Variants in PLCB1 observed in about 807,000 individuals in gnomAD.
The protein encoded by PLCB1 is phospholipase C beta 1.
A neutral mutation model predicts 161.8 loss-of-function variants in PLCB1; 46 were observed. The observed-to-expected ratio is 0.28, with a 90% CI of 0.22 to 0.36. PLCB1 has a LOEUF of 0.36. PLCB1 is among the 10% of genes least tolerant of loss of function. PLCB1 has a pLI of 1.00. For synonymous variants in PLCB1, 517 were observed against 503.7 expected, an observed-to-expected ratio of 1.03 and a Z score of -0.35; for missense variants, 1,016 against 1,472.5, an observed-to-expected ratio of 0.69 and a Z score of 5.07.
rs141983643 is a variant in PLCB1 at position 8,183,947 on chromosome 20, G to A, written c.177+33576G>A. 4.1e-3 allele frequency among the ~76,000 whole-genome samples: 622 copies of A among 152,244 alleles called. 6 individuals are homozygous for A. The highest frequency in any genetic ancestry group is 0.014 in the African/African-American group (578 of 41,552). On this transcript the variant is annotated intron_variant, in intron 2 of 31. Transcript: ENST00000338037. ...CAAAAATAGTTATCTTGGTTTGACT[G>A]TAAACTGCATTCTTCCATCTTGAAA...
At chr20:8,484,868 T>G (rs531346041) in intron 3 of PLCB1, among the ~76,000 whole-genome samples, 1 of 152,180 alleles carries the variant, frequency 6.6e-6, no homozygotes, top group African/African-American at 2.4e-5. Context: ...CCAGGAGAGT[T>G]TGCTCACTGC....
chr20:8,417,589 G>T (rs1239253759), intron 3 of PLCB1, among the ~76,000 whole-genome samples: 1 of 151,888 alleles, frequency 6.6e-6, no homozygotes, highest in African/African-American at 2.4e-5. Context: ...TCTTTTAGGG[G>T]AGCTCAAGAT....
chr20:8,572,690 G>A (rs6039200), intron 3 of PLCB1, among the ~76,000 whole-genome samples: 1 of 151,876 alleles, frequency 6.6e-6, no homozygotes, highest in Non-Finnish European at 1.5e-5. Flanking sequence ...TCCATTGTTC[G>A]ATCAGACTTC....
intron 31 of PLCB1, among the ~76,000 whole-genome samples, chr20:8,879,051 T>C (rs568188513): frequency 5.3e-5 from 8 of 152,268 alleles, no homozygotes; most frequent in Admixed American, 2.0e-4. Flanking sequence ...TAAGTGAGAC[T>C]GTGTGGTATT....
intron 3 of PLCB1, among the ~76,000 whole-genome samples, chr20:8,407,909 G>A (rs1978857286): frequency 6.6e-6 from 1 of 151,964 alleles, no homozygotes; most frequent in Admixed American, 6.6e-5. Flanking sequence ...ACCTGAGCAG[G>A]ATTCCTTAAA....
chr20:8,156,644 C>T (rs1209060556), intron 2 of PLCB1, among the ~76,000 whole-genome samples: 1 of 152,198 alleles, frequency 6.6e-6, no homozygotes. Context: ...AGGAAACCAG[C>T]TTTGAAGCTG....
chr20:8,776,643 G>T (rs900458475), intron 27 of PLCB1, among the ~76,000 whole-genome samples: 2 of 152,112 alleles, frequency 1.3e-5, no homozygotes, highest in East Asian at 1.9e-4. Flanking sequence ...GCCTTAAAAA[G>T]AAATCCTAAT....
At chr20:8,856,223 T>A (rs1002540356) in intron 31 of PLCB1, among the ~76,000 whole-genome samples, 1 of 152,206 alleles carries the variant, frequency 6.6e-6, no homozygotes, top group Non-Finnish European at 1.5e-5. Flanking sequence ...TTTATTTTTT[T>A]ATCTTAGTTG....
At chr20:8,137,770 A>G (rs2051363853) in intron 1 of PLCB1, among the ~76,000 whole-genome samples, 1 of 152,172 alleles carries the variant, frequency 6.6e-6, no homozygotes. Flanking sequence ...GTCCCCTTCT[A>G]AGGGTAACCC....
Position 8,514,307 on chromosome 20 carries a change from G to A in PLCB1, c.247-113987G>A, listed in dbSNP as rs1050770829. On this transcript the variant is annotated intron_variant, in intron 3 of 31. Coordinates refer to ENST00000338037, the MANE Select transcript of PLCB1 (RefSeq NM_015192.4). The stretch of plus-strand genomic sequence containing the variant: ...ATAGAAAAATTAGCCAGGCGTGGTG[G>A]CGTGAGCCTGTAGTCCCAGCTACTC... Among the ~76,000 whole-genome samples, 7 of 152,132 alleles carry A rather than the reference G, an allele frequency of 4.6e-5. No individual in the cohort carries two copies. The South Asian group carries it at 1.2e-3, about 27-fold the overall frequency.
chr20:8,863,158 G>A (rs1214628777), intron 31 of PLCB1, among the ~76,000 whole-genome samples: 2 of 152,188 alleles, frequency 1.3e-5, no homozygotes, highest in African/African-American at 2.4e-5. Context: ...CATGACAATG[G>A]TTAGGCCAAA....
rs559523219 is a variant in PLCB1, at chr20:8,196,663, T to C, written c.177+46292T>C. Reference sequence around the variant, plus strand: ...AGCTCCTTTTCTTTATATATATATATAAAATATATATATTTTTAATTATAC... The same window carrying C: ...AGCTCCTTTTCTTTATATATATATACAAAATATATATATTTTTAATTATAC... On this transcript the variant is annotated intron_variant, in intron 2 of 31. Coordinates refer to ENST00000338037, the MANE Select transcript of PLCB1 (RefSeq NM_015192.4). Among the ~76,000 whole-genome samples, 489 of 149,156 alleles carry C rather than the reference T, an allele frequency of 3.3e-3. 5 individuals are homozygous for C. The highest frequency in any genetic ancestry group is 0.011 in the African/African-American group (460 of 40,506).
At chr20:8,539,664 CTTT>C (rs1985217833) in intron 3 of PLCB1, among the ~76,000 whole-genome samples, 1 of 93,746 alleles carries the variant, frequency 1.1e-5, no homozygotes, top group Admixed American at 1.3e-4. Flanking sequence ...TTCTTTCTTT[CTTT>C]CTTTCTTTCT....
intron 3 of PLCB1, among the ~76,000 whole-genome samples, chr20:8,513,040 A>G (rs1285268766): frequency 6.6e-6 from 1 of 152,198 alleles, no homozygotes; most frequent in African/African-American, 2.4e-5. Context: ...GAGATCATGT[A>G]ATATTTGTCC....
chr20:8,565,337 G>A (rs761022468), intron 3 of PLCB1, among the ~76,000 whole-genome samples: 2 of 152,036 alleles, frequency 1.3e-5, no homozygotes, highest in Non-Finnish European at 1.5e-5. Context: ...GGGCCTGTCA[G>A]TGGTTGGGGG....
At chr20:8,541,604 G>GAAAGAAAT (rs1555769075) in intron 3 of PLCB1, among the ~76,000 whole-genome samples, 9 of 149,474 alleles carry the variant, frequency 6.0e-5, no homozygotes, top group Non-Finnish European at 9.0e-5. Flanking sequence ...AAGAAAGAAA[G>GAAAGAAAT]AAAGGAAGGA....
intron 4 of PLCB1, among the ~76,000 whole-genome samples, chr20:8,628,936 A>G (rs943141229): frequency 6.6e-6 from 1 of 152,144 alleles, no homozygotes; most frequent in South Asian, 2.1e-4. Context: ...GTATCTCAAA[A>G]AAAAAAAATA....
chr20:8,852,072 C>T (rs1007312145), intron 31 of PLCB1, among the ~76,000 whole-genome samples: 2 of 152,200 alleles, frequency 1.3e-5, no homozygotes, highest in Non-Finnish European at 2.9e-5. Context: ...GACTGTATGA[C>T]TGTTTATATA....
intron 9 of PLCB1, among the ~76,000 whole-genome samples, chr20:8,662,240 T>TTATTTATTATATAATTCTATACATAAG (rs1417332555): frequency 2.7e-5 from 3 of 111,422 alleles, no homozygotes; most frequent in Non-Finnish European, 5.2e-5. Flanking sequence ...CTATATATAA[T>TTATTTATTATATAATTCTATACATAAG]TATTTATTAT....
Sources: allele counts gnomAD v4.1 joint callset (sites outside exome capture counted in the v4.1 genomes callset), GRCh38; gene constraint gnomAD v4.1.1; transcripts MANE v1.5; gene names NCBI Gene and HGNC (gene_info 2026-07-23, HGNC 2026-07-21).